The following GDPD4 variants were observed in gnomAD, a reference collection of about 807,000 sequenced individuals.
GDPD4 encodes glycerophosphodiester phosphodiesterase domain containing 4, also known as glycerophosphodiester phosphodiesterase 6.
A neutral mutation model predicts 67.8 loss-of-function variants in GDPD4; 60 were observed. That is an observed-to-expected ratio of 0.88 (90% CI 0.72 to 1.10). The LOEUF (loss-of-function observed/expected upper bound fraction) is 1.10, where lower values mean the gene tolerates loss of function less well. Ranked by LOEUF, GDPD4 falls within the 50% of genes least tolerant of loss-of-function variation. The pLI, the probability that GDPD4 is intolerant of heterozygous loss-of-function variation, is 0.00. For missense variants in GDPD4, 623 were observed against 613.9 expected (o/e 1.01, Z -0.16); for synonymous variants, 212 against 210.9 (o/e 1.00, Z -0.04).
chr11:77,289,573 T>C (rs1937695480), intron 1 of GDPD4, among the ~76,000 whole-genome samples: 1 of 149,486 alleles, frequency 6.7e-6, no homozygotes, highest in Non-Finnish European at 1.5e-5. Context: ...CTACTAAAAA[T>C]ATAAAAAATT....
rs931918532 is a variant in GDPD4 at position 77,217,222 on chromosome 11, A to G, written c.*55T>C. 8 of 1,348,972 alleles carry G rather than the reference A, an allele frequency of 5.9e-6. No individual in the cohort carries two copies. Among genetic ancestry groups the G allele is most frequent in the Non-Finnish European group, 7.5e-6 (7 of 938,070 alleles). The allele number at this position is 1,348,972 out of a possible 1,614,324, so 83.6% of individuals were successfully genotyped here. ...CCGGGTAGAGGGCTGCTAGAGTCCAAGGACCTTCCACAACTCGGACAGGAG... is the reference window on the plus strand; with the variant it reads ...CCGGGTAGAGGGCTGCTAGAGTCCAGGGACCTTCCACAACTCGGACAGGAG... On this transcript the variant is annotated 3_prime_UTR_variant, in exon 17 of 17. Coordinates refer to ENST00000315938, the MANE Select transcript of GDPD4 (RefSeq NM_182833.3).
chr11:77,273,909 A>G (rs1000655435), intron 5 of GDPD4, among the ~76,000 whole-genome samples: 1 of 152,202 alleles, frequency 6.6e-6, no homozygotes, highest in Admixed American at 6.5e-5. Context: ...CTTGAAAAGC[A>G]CTGTGGTGGC....
In GDPD4 at chr11:77,228,499, C is replaced by CAAAAAAAA. The variant is rs58364800; in HGVS notation, c.1473-591_1473-584dup. Among the ~76,000 whole-genome samples the CAAAAAAAA allele has an allele frequency of 9.0e-4, 24 of 26,636 alleles. 1 individual carries two copies. The highest frequency in any genetic ancestry group is 3.1e-3 in the African/African-American group (20 of 6,414). The allele number at this position is 26,636 out of a possible 152,430, so 17.5% of individuals were successfully genotyped here. ...TGGGTGACAGAGCAAGACTCCGTCT[C>CAAAAAAAA]AAAAAAAAAAAAAAAAAAAAAAAAA... On this transcript the variant is annotated intron_variant, in intron 15 of 16. Coordinates refer to ENST00000315938, the MANE Select transcript of GDPD4 (RefSeq NM_182833.3).
At chr11:77,277,643 T>C (rs1959548719) in intron 4 of GDPD4, among the ~76,000 whole-genome samples, 1 of 151,972 alleles carries the variant, frequency 6.6e-6, no homozygotes, top group African/African-American at 2.4e-5. Flanking sequence ...CTCTCTTTTC[T>C]TCTTTATTAG....
At chr11:77,219,258 G>C (rs1958182808) in intron 16 of GDPD4, among the ~76,000 whole-genome samples, 1 of 152,170 alleles carries the variant, frequency 6.6e-6, no homozygotes, top group South Asian at 2.1e-4. Context: ...ATTTGTTTAA[G>C]TTCTTTGTAG....
At chr11:77,277,326 C>A (rs1189239719) in intron 4 of GDPD4, among the ~76,000 whole-genome samples, 5 of 145,794 alleles carry the variant, frequency 3.4e-5, no homozygotes, top group African/African-American at 1.2e-4. Flanking sequence ...TGATTTATAT[C>A]AAATGTCTTA....
intron 13 of GDPD4, among the ~76,000 whole-genome samples, chr11:77,235,384 A>AAAAAATAGTGTGAGAGGGAATCACTCT (rs2135833945): frequency 6.6e-6 from 1 of 152,314 alleles, no homozygotes; most frequent in African/African-American, 2.4e-5. Context: ...CAATCTGAAA[A>AAAAAATAGTGTGAGAGGGAATCACTCT]AAAAATAGTG....
chr11:77,235,466 G>A (rs1958544363), intron 13 of GDPD4, among the ~76,000 whole-genome samples: 1 of 152,300 alleles, frequency 6.6e-6, no homozygotes, highest in South Asian at 2.1e-4. Flanking sequence ...TGTGGTATTA[G>A]AGGAGATATG....
chr11:77,248,000 A>C (rs1958811289), intron 11 of GDPD4, among the ~76,000 whole-genome samples: 1 of 149,908 alleles, frequency 6.7e-6, no homozygotes, highest in Non-Finnish European at 1.5e-5. Flanking sequence ...GCGGTGAGCC[A>C]AGATCGCACC....
At chr11:77,233,403 A>G (rs1958490870) in intron 13 of GDPD4, among the ~76,000 whole-genome samples, 1 of 144,822 alleles carries the variant, frequency 6.9e-6, no homozygotes, top group South Asian at 2.3e-4. Context: ...GGTAAACCAA[A>G]TGTCCTAAGG....
At chr11:77,239,692 G>GC (rs1958628277) in intron 13 of GDPD4, among the ~76,000 whole-genome samples, 1 of 152,126 alleles carries the variant, frequency 6.6e-6, no homozygotes, top group South Asian at 2.1e-4. Context: ...GGGTGCGGTG[G>GC]CTCACACCTT....
chr11:77,299,583 A>G (rs1012679452), intron 1 of GDPD4, among the ~76,000 whole-genome samples: 1 of 152,174 alleles, frequency 6.6e-6, no homozygotes, highest in Admixed American at 6.5e-5. Flanking sequence ...TGTTCTGCTG[A>G]TCTGTTCTGC....
chr11:77,220,108 C>T (rs887123010), intron 16 of GDPD4, among the ~76,000 whole-genome samples: 3 of 152,164 alleles, frequency 2.0e-5, no homozygotes, highest in African/African-American at 7.2e-5. Context: ...AGACTTTGGG[C>T]TGAGACGATG....
At chr11:77,277,200 T>A (rs529745068) in intron 4 of GDPD4, among the ~76,000 whole-genome samples, 1 of 151,198 alleles carries the variant, frequency 6.6e-6, no homozygotes, top group East Asian at 1.9e-4. Flanking sequence ...CTACAGCACA[T>A]CCTTCATCTA....
At chr11:77,251,999 T>C (rs934059804) in intron 11 of GDPD4, among the ~76,000 whole-genome samples, 1 of 152,058 alleles carries the variant, frequency 6.6e-6, no homozygotes, top group African/African-American at 2.4e-5. Context: ...TGTTTTATTT[T>C]GGTACTTGAA....
chr11:77,237,004 T>C (rs1247266511), intron 13 of GDPD4, among the ~76,000 whole-genome samples: 1 of 152,188 alleles, frequency 6.6e-6, no homozygotes, highest in African/African-American at 2.4e-5. Context: ...TAAAAGGATG[T>C]TCCTGTTTAA....
At chr11:77,256,148 G>T (rs893080192) in intron 11 of GDPD4, among the ~76,000 whole-genome samples, 5 of 152,118 alleles carry the variant, frequency 3.3e-5, no homozygotes, top group African/African-American at 1.2e-4. Flanking sequence ...TGAAACTTTG[G>T]CTCAATTTTA....
At chr11:77,232,113 C>T (rs1205955788) in intron 14 of GDPD4, among the ~76,000 whole-genome samples, 2 of 152,142 alleles carry the variant, frequency 1.3e-5, no homozygotes, top group East Asian at 3.9e-4. Context: ...CTGACAAAGG[C>T]TTTAACTTTC....
intron 8 of GDPD4, 39 bp downstream of exon 8, chr11:77,269,844 T>G: frequency 9.0e-7 from 1 of 1,109,662 alleles, no homozygotes; most frequent in South Asian, 1.4e-5. Flanking sequence ...TTACCACCTT[T>G]GCTTTAGTGA....
Sources: allele counts gnomAD v4.1 joint callset (sites outside exome capture counted in the v4.1 genomes callset), GRCh38; gene constraint gnomAD v4.1.1; transcripts MANE v1.5; gene names NCBI Gene and HGNC (gene_info 2026-07-23, HGNC 2026-07-21).